Variants in ENDOV observed in about 807,000 individuals in gnomAD.
ENDOV encodes the protein hEndoV.
ENDOV carries 37 observed loss-of-function variants against 39.4 expected under a neutral mutation model. The ratio of observed to expected loss-of-function variants is 0.94; its 90% CI spans 0.72 to 1.23. ENDOV has a LOEUF of 1.23. Among genes scored for constraint, ENDOV ranks in the 50% most tolerant of loss-of-function variants. The probability of loss-of-function intolerance (pLI) is 0.00; values close to 1 mark genes in which losing one functional copy is unlikely to be tolerated. For missense variants in ENDOV, 441 were observed against 375.7 expected, an observed-to-expected ratio of 1.17 and a Z score of -1.44; for synonymous variants, 186 against 163.4, an observed-to-expected ratio of 1.14 and a Z score of -1.05.
At chr17:80,420,582 G>A (rs2081875632) in intron 2 of ENDOV, 1 of 152,274 alleles carries the variant, frequency 6.6e-6, no homozygotes, top group South Asian at 2.1e-4. Context: ...AGTGGAAGTT[G>A]TGATTTGAAA....
At chr17:80,427,242 TCAGCCG>T (rs917826626) in intron 7 of ENDOV, among the ~76,000 whole-genome samples, 2 of 152,278 alleles carry the variant, frequency 1.3e-5, no homozygotes, top group Admixed American at 1.3e-4. Context: ...CCATTCCAAC[TCAGCCG>T]TGTGGTCTTC....
rs749125934 is a variant in ENDOV at position 80,436,138 on chromosome 17, T to C, written c.844T>C (p.Cys282Arg). 2.5e-6 allele frequency: 4 copies of C among 1,611,546 alleles called. No homozygotes were observed. The highest frequency in any genetic ancestry group is 1.7e-5 in the Admixed American group (1 of 59,984). The change falls in exon 10 of 10, where the codon TGT (cysteine) becomes CGT (arginine). Residue 282 changes from cysteine (C) to arginine (R), a missense_variant. Cys to Arg is a radical substitution (Grantham distance 180, BLOSUM62 -3). Coordinates refer to ENST00000518137, the MANE Select transcript of ENDOV (RefSeq NM_173627.5). ...KGDSGESSAL[C>R] ...GCTCTGGCTGGAACGTCTAGCACTT[T>C]GTTGAACGTGGTGGTGAGAGCACAC... is the stretch of plus-strand genomic sequence containing the variant.
rs1482039672 is a variant in ENDOV, at chr17:80,423,214, G to A, written c.404-306G>A. ...TGGCAGGCCACCGTCGAGGGAAGAG[G>A]AAGCTGGGAGGTGCAGGAAATGACC... On this transcript the variant is annotated intron_variant, in intron 4 of 9. Transcript: ENST00000518137. Among the ~76,000 whole-genome samples the A allele has an allele frequency of 2.0e-5, 3 of 152,352 alleles. No homozygotes were observed. The East Asian group carries it at 5.8e-4, about 29-fold the overall frequency.
intron 6 of ENDOV, 99 bp from the exon 7 acceptor site, chr17:80,425,393 C>A: frequency 6.7e-7 from 1 of 1,483,770 alleles, no homozygotes; most frequent in South Asian, 1.2e-5. Context: ...TTCCCCCTTG[C>A]CCCCAGGACA....
intron 9 of ENDOV, among the ~76,000 whole-genome samples, chr17:80,432,583 C>T (rs41301918): frequency 5.9e-5 from 9 of 152,086 alleles, no homozygotes; most frequent in African/African-American, 1.2e-4. Context: ...TGTCATTGCC[C>T]GTGAGTCCGG....
chr17:80,431,308 C>T (rs535104134), intron 9 of ENDOV, among the ~76,000 whole-genome samples: 68 of 152,280 alleles, frequency 4.5e-4, no homozygotes, highest in African/African-American at 1.5e-3. Flanking sequence ...TGCGCTCACT[C>T]GAAAGCTGCT....
Position 80,436,250 on chromosome 17 carries a change from A to G in ENDOV, c.*107A>G, listed in dbSNP as rs7207961. 0.51 allele frequency: 461,754 copies of G among 908,090 alleles called. 182,844 individuals are homozygous for G. Among genetic ancestry groups the G allele is most frequent in the South Asian group, 0.71 (39,458 of 55,890 alleles). The allele number at this position is 908,090 out of a possible 1,614,324, so 56.3% of individuals were successfully genotyped here. On this transcript the variant is annotated 3_prime_UTR_variant, in exon 10 of 10. Transcript: ENST00000518137. ...ATCGAACGCGGTGGTGAGAGCACAC[A>G]TCCTCGTCTCGTTCCTGATCGAACG...
chr17:80,420,306 G>A (rs2081829497), intron 2 of ENDOV: 1 of 152,316 alleles, frequency 6.6e-6, no homozygotes, highest in African/African-American at 2.4e-5. Flanking sequence ...TGGGAACTCA[G>A]GCCACACTTG....
intron 7 of ENDOV, among the ~76,000 whole-genome samples, chr17:80,426,862 G>A (rs1289310337): frequency 1.3e-5 from 2 of 152,220 alleles, no homozygotes; most frequent in Admixed American, 6.5e-5. Flanking sequence ...GGAGGCTGTG[G>A]ACGCAGGTCT....
intron 9 of ENDOV, chr17:80,433,180 T>C: frequency 1.9e-6 from 1 of 520,116 alleles, no homozygotes; most frequent in Non-Finnish European, 3.8e-6. Flanking sequence ...CAGAGCTGGC[T>C]GAGATCCCAC....
Position 80,425,144 on chromosome 17 carries a change from G to A in ENDOV, c.585+44G>A, listed in dbSNP as rs150690935. ...GAGCTCCTCCAAAGCCCCGGGGTAG[G>A]GGATCCTTTGCAGGCAGACACAGGT... On this transcript the variant is annotated intron_variant, in intron 6 of 9. Transcript: ENST00000518137. The A allele has an allele frequency of 7.0e-5, 108 of 1,542,250 alleles. No homozygotes were observed. The African/African-American group carries it at 1.4e-3, about 20-fold the overall frequency.
At chr17:80,424,999 G>A (rs370940151) in intron 5 of ENDOV, 33 bp from the exon 6 acceptor site, 2 of 1,591,434 alleles carry the variant, frequency 1.3e-6, no homozygotes, top group Admixed American at 1.7e-5. Flanking sequence ...GAAGAGAGGG[G>A]TTTTTTTCCC....
intron 2 of ENDOV, 38 bp downstream of exon 2, chr17:80,415,859 C>T: frequency 3.2e-6 from 5 of 1,559,480 alleles, no homozygotes; most frequent in Non-Finnish European, 2.6e-6. Flanking sequence ...GCGGGCCCCT[C>T]GGTGGGCTCG....
In ENDOV at chr17:80,429,779, G is replaced by A. The variant is rs781496174; in HGVS notation, c.786G>A (p.Pro262=). The change falls in exon 9 of 10, where the codon CCG becomes CCA. Residue 262 remains proline (P), a synonymous_variant. Coordinates refer to ENST00000518137, the MANE Select transcript of ENDOV (RefSeq NM_173627.5). ...GLPGPPTPRS[P]KAQRPVACPK... ...TTCTCAATGTCATCACCAGGAGCCC[G>A]AAGGCGCAGAGGCCAGTGGCATGCC... The A allele has an allele frequency of 7.5e-6, 12 of 1,599,834 alleles. No homozygotes were observed. The highest frequency in any genetic ancestry group is 1.8e-5 in the Admixed American group (1 of 55,932).
At chr17:80,421,715 T>C (rs1568219129) in intron 2 of ENDOV, 113 bp from the exon 3 acceptor site, 2 of 1,363,022 alleles carry the variant, frequency 1.5e-6, no homozygotes, top group African/African-American at 1.4e-5. Context: ...AGGGGAGCCA[T>C]GAGGGTGACG....
intron 2 of ENDOV, among the ~76,000 whole-genome samples, chr17:80,421,488 C>G (rs41298700): frequency 0.032 from 4,672 of 146,740 alleles, 252 homozygotes; most frequent in African/African-American, 0.11. Flanking sequence ...TGGACCGGGT[C>G]CCAGGGGGCT....
chr17:80,434,528 C>T (rs1187698024), intron 9 of ENDOV, among the ~76,000 whole-genome samples: 2 of 152,188 alleles, frequency 1.3e-5, no homozygotes, highest in South Asian at 2.1e-4. Flanking sequence ...CAGACTTTTC[C>T]ATAGCAGCTA....
Position 80,421,892 on chromosome 17 carries a change from T to C in ENDOV, c.293T>C (p.Phe98Ser), listed in dbSNP as rs372942612. 4.2e-5 allele frequency: 67 copies of C among 1,609,896 alleles called. No individual in the cohort carries two copies. In the African/African-American group the frequency reaches 8.5e-4, roughly 21 times the overall value. The stretch of plus-strand genomic sequence containing the variant: ...CCCTACGTGTCGGGCTTCCTGGCCT[T>C]CCGAGAGGTGCCCTTCTTGCTGGAG... ...TAPYVSGFLA[F>S]REVPFLLELV... is the part of the protein sequence containing the mutation. The change falls in exon 3 of 10, where the codon TTC becomes TCC. Residue 98 changes from phenylalanine to serine, a missense_variant. Transcript: ENST00000518137.
At chr17:80,415,380 A>G in intron 1 of ENDOV, 130 bp downstream of exon 1, 6 of 1,208,160 alleles carry the variant, frequency 5.0e-6, no homozygotes, top group Admixed American at 2.6e-5. Flanking sequence ...AGCAAAGCCC[A>G]GTTTCCGGCG....
Sources: allele counts gnomAD v4.1 joint callset (sites outside exome capture counted in the v4.1 genomes callset), GRCh38; gene constraint gnomAD v4.1.1; transcripts MANE v1.5; gene names NCBI Gene and HGNC (gene_info 2026-07-23, HGNC 2026-07-21).